Variants in ST7 observed in about 807,000 individuals in gnomAD.
The protein encoded by ST7 is suppression of tumorigenicity 7.
Under a neutral mutation model 78.7 loss-of-function variants are expected in ST7, and 28 were observed. That is an observed-to-expected ratio of 0.36 (90% confidence interval 0.26 to 0.49). The LOEUF (loss-of-function observed/expected upper bound fraction) is 0.49. ST7 is among the 20% of genes least tolerant of loss of function. ST7 has a pLI of 0.99. For missense variants in ST7, 418 were observed against 696.0 expected, an observed-to-expected ratio of 0.60 and a Z score of 4.49; for synonymous variants, 247 against 249.6, an observed-to-expected ratio of 0.99 and a Z score of 0.10.
intron 8 of ST7, chr7:117,137,444 C>A (rs756355524): frequency 7.9e-5 from 12 of 152,108 alleles, no homozygotes; most frequent in Non-Finnish European, 1.3e-4. Context: ...GAAATCAATA[C>A]ATAAAATTAC....
At chr7:117,174,931 C>T (rs1348098112) in intron 10 of ST7, among the ~76,000 whole-genome samples, 1 of 152,166 alleles carries the variant, frequency 6.6e-6, no homozygotes, top group Non-Finnish European at 1.5e-5. Flanking sequence ...GTAAGCCTCC[C>T]AAAAGTGATG....
At chr7:117,079,584 A>C (rs953812420) in intron 1 of ST7, among the ~76,000 whole-genome samples, 1 of 152,206 alleles carries the variant, frequency 6.6e-6, no homozygotes, top group Non-Finnish European at 1.5e-5. Context: ...TTATTCTTAA[A>C]TAACTTGTTT....
At chr7:117,130,362 T>A in intron 4 of ST7, 129 bp from the exon 5 acceptor site, 1 of 526,340 alleles carries the variant, frequency 1.9e-6, no homozygotes, top group East Asian at 3.3e-5. Context: ...AAAATTTTTT[T>A]TATTCATTAG....
rs183125759 is a variant in ST7 at position 117,173,186 on chromosome 7, A to G, written c.1078+2210A>G. ...GTTTATGTTGTGTACCTGGCAACAG[A>G]GATGATGTTCTTGTTCATTATTCAT... On this transcript the variant is annotated intron_variant, in intron 10 of 15. Transcript: ENST00000323984. Among the ~76,000 whole-genome samples, 240 of 152,310 alleles carry G rather than the reference A, an allele frequency of 1.6e-3. 1 individual carries two copies. Among genetic ancestry groups the G allele is most frequent in the African/African-American group, 5.6e-3 (231 of 41,570 alleles).
chr7:117,112,094 A>ATGTGTGTG (rs149580533), intron 2 of ST7, among the ~76,000 whole-genome samples: 12 of 150,906 alleles, frequency 8.0e-5, no homozygotes, highest in African/African-American at 2.9e-4. Context: ...ATATATATGC[A>ATGTGTGTG]TGTGTGTGTG....
chr7:117,129,336 G>A (rs1804141436), intron 3 of ST7, among the ~76,000 whole-genome samples: 1 of 151,826 alleles, frequency 6.6e-6, no homozygotes, highest in African/African-American at 2.4e-5. Flanking sequence ...CTGTTAGCAT[G>A]AACCCAAATT....
At chr7:117,043,476 G>A (rs1797334810) in intron 1 of ST7, among the ~76,000 whole-genome samples, 2 of 152,136 alleles carry the variant, frequency 1.3e-5, no homozygotes, top group South Asian at 4.1e-4. Context: ...AAATTTTCAG[G>A]TCAAGAAATA....
intron 1 of ST7, among the ~76,000 whole-genome samples, chr7:117,092,417 G>C (rs1312215867): frequency 6.7e-6 from 1 of 150,186 alleles, no homozygotes; most frequent in Non-Finnish European, 1.5e-5. Context: ...CTGAGGAAAA[G>C]TTCTTTCATT....
intron 1 of ST7, among the ~76,000 whole-genome samples, chr7:117,055,262 G>A (rs920768095): frequency 2.6e-5 from 4 of 152,002 alleles, no homozygotes; most frequent in Non-Finnish European, 5.9e-5. Context: ...TAGCGCAGTG[G>A]CATGATCTCG....
intron 2 of ST7, among the ~76,000 whole-genome samples, chr7:117,100,916 TAC>T (rs1461257741): frequency 6.6e-6 from 1 of 152,196 alleles, no homozygotes; most frequent in Non-Finnish European, 1.5e-5. Flanking sequence ...AGAAAAATTT[TAC>T]AGAGTTGATG....
Position 117,185,648 on chromosome 7 carries a change from G to A in ST7, c.1079-3673G>A, listed in dbSNP as rs375078526. Among the ~76,000 whole-genome samples the A allele has an allele frequency of 3.9e-5, 6 of 152,150 alleles. No homozygotes were observed. The South Asian group carries it at 8.3e-4, about 21-fold the overall frequency. On this transcript the variant is annotated intron_variant, in intron 10 of 15. Coordinates refer to ENST00000323984, the MANE Select transcript of ST7 (RefSeq NM_001369598.1). ...ATTTATAAATTAGGCACAGTAGGCC[G>A]GGTGCAGTGGCTCGCGCCTGTAATC... is the stretch of plus-strand genomic sequence containing the variant.
At chr7:117,153,194 A>G (rs1423826818) in intron 9 of ST7, among the ~76,000 whole-genome samples, 2 of 152,188 alleles carry the variant, frequency 1.3e-5, no homozygotes, top group African/African-American at 4.8e-5. Context: ...GGCAGAAAAC[A>G]TCATCATCAT....
rs113982036 is a variant in ST7, at chr7:117,106,651, T to C, written c.234+6807T>C. 2.4e-3 allele frequency among the ~76,000 whole-genome samples: 357 copies of C among 148,206 alleles called. 1 individual carries two copies. Among genetic ancestry groups the C allele is most frequent in the African/African-American group, 8.2e-3 (328 of 40,092 alleles). ...TTTTTTTTTTTTTGAGTTGGAGTCTTGCTCTGTTGCCCAGGCTGGAGTGCA... is the reference window on the plus strand; with the variant it reads ...TTTTTTTTTTTTTGAGTTGGAGTCTCGCTCTGTTGCCCAGGCTGGAGTGCA... On this transcript the variant is annotated intron_variant, in intron 2 of 15. Coordinates refer to ENST00000323984, the MANE Select transcript of ST7 (RefSeq NM_001369598.1).
chr7:117,116,817 G>C (rs1211746619), intron 2 of ST7, among the ~76,000 whole-genome samples: 3 of 152,112 alleles, frequency 2.0e-5, no homozygotes, highest in Admixed American at 6.5e-5. Context: ...GAAATACTGG[G>C]TAGAAGGTCT....
intron 12 of ST7, among the ~76,000 whole-genome samples, chr7:117,195,642 G>GA (rs1481236539): frequency 6.6e-6 from 1 of 152,124 alleles, no homozygotes; most frequent in African/African-American, 2.4e-5. Context: ...AGCAAAAGGA[G>GA]AAAAAGCCCC....
chr7:117,036,776 A>C (rs775084276), intron 1 of ST7, among the ~76,000 whole-genome samples: 6 of 152,160 alleles, frequency 3.9e-5, no homozygotes, highest in Admixed American at 6.5e-5. Context: ...ACTTGGTATT[A>C]TGAGATATTT....
chr7:116,960,601 G>A (rs968116480), intron 1 of ST7, among the ~76,000 whole-genome samples: 1 of 152,146 alleles, frequency 6.6e-6, no homozygotes, highest in Non-Finnish European at 1.5e-5. Flanking sequence ...TTGTACTACT[G>A]TGTCATTGCT....
intron 9 of ST7, among the ~76,000 whole-genome samples, chr7:117,153,160 C>T (rs1181928512): frequency 6.6e-6 from 1 of 152,112 alleles, no homozygotes; most frequent in East Asian, 1.9e-4. Flanking sequence ...TAGATAACGT[C>T]TGGATTTCTT....
chr7:117,048,928 T>C (rs184652041), intron 1 of ST7, among the ~76,000 whole-genome samples: 107 of 152,330 alleles, frequency 7.0e-4, no homozygotes, highest in African/African-American at 2.5e-3. Context: ...ACACTGTGTT[T>C]GGAAGCAAGT....
Sources: gnomAD v4.1 joint callset for allele counts (sites outside exome capture counted in the v4.1 genomes callset) on GRCh38, gnomAD v4.1.1 for gene constraint, MANE v1.5 for transcripts, NCBI Gene and HGNC (gene_info 2026-07-23, HGNC 2026-07-21) for gene names.